SRGAP2: variants seen among roughly 807,000 people sequenced by gnomAD.
SRGAP2 encodes SLIT-ROBO Rho GTPase activating protein 2.
SRGAP2 carries 15 observed loss-of-function variants against 57.2 expected under a neutral mutation model. The ratio of observed to expected loss-of-function variants is 0.26; its 90% CI spans 0.18 to 0.40. The LOEUF (loss-of-function observed/expected upper bound fraction) is 0.40. SRGAP2 is among the 10% of genes least tolerant of loss of function. The pLI is 1.00. For synonymous variants in SRGAP2, 249 were observed against 248.0 expected (o/e 1.00, Z -0.04); for missense variants, 520 against 669.6 (o/e 0.78, Z 2.47).
At position 206,279,716 on chromosome 1, in the gene SRGAP2, G is replaced by A. The variant is rs1225499040; in HGVS notation, c.68-23565G>A. Among the ~76,000 whole-genome samples, 83 of 150,438 alleles carry A rather than the reference G, an allele frequency of 5.5e-4. 1 individual carries two copies. The highest frequency in any genetic ancestry group is 2.0e-3 in the African/African-American group (80 of 40,614). On this transcript the variant is annotated intron_variant, in intron 2 of 22. Coordinates refer to ENST00000573034, the MANE Select transcript of SRGAP2 (RefSeq NM_015326.5). The stretch of plus-strand genomic sequence containing the variant: ...ATTACAGGCATAAGCCACCGTGCTC[G>A]GCCCTGAAATGCTTTTCTCTACTAC...
chr1:206,378,646 CTG>C (rs1655430781), intron 4 of SRGAP2, among the ~76,000 whole-genome samples: 1 of 152,074 alleles, frequency 6.6e-6, no homozygotes, highest in African/African-American at 2.4e-5. Context: ...AATCAGCACT[CTG>C]TAAAAACGCA....
Position 206,307,751 on chromosome 1 carries a change from G to A in SRGAP2, c.260+4278G>A, listed in dbSNP as rs1177113793. 8.5e-5 allele frequency among the ~76,000 whole-genome samples: 13 copies of A among 152,222 alleles called. No individual in the cohort carries two copies. The East Asian group carries it at 1.5e-3, about 18-fold the overall frequency. On this transcript the variant is annotated intron_variant, in intron 3 of 22. Coordinates refer to ENST00000573034, the MANE Select transcript of SRGAP2 (RefSeq NM_015326.5). ...AGGGCTGGCCGGCTGCTCCGAGTGCGGGGCCCACCAAGCCCACGCCCACCC... is the reference window on the plus strand; with the variant it reads ...AGGGCTGGCCGGCTGCTCCGAGTGCAGGGCCCACCAAGCCCACGCCCACCC...
chr1:206,258,131 G>A (rs1238238437), intron 2 of SRGAP2, among the ~76,000 whole-genome samples: 2 of 150,966 alleles, frequency 1.3e-5, no homozygotes, highest in Admixed American at 6.6e-5. Flanking sequence ...TAATTCCAGT[G>A]GAGTAAGAAG....
chr1:206,421,420 A>C, intron 13 of SRGAP2, 146 bp downstream of exon 13: 1 of 487,642 alleles, frequency 2.1e-6, no homozygotes. Flanking sequence ...AGTATGTTTA[A>C]TATGGTGGCA....
At chr1:206,349,680 G>A (rs1675899953) in intron 4 of SRGAP2, among the ~76,000 whole-genome samples, 1 of 123,678 alleles carries the variant, frequency 8.1e-6, no homozygotes, top group Admixed American at 8.7e-5. Flanking sequence ...TCATAAGAAG[G>A]AGATTACAGA....
intron 2 of SRGAP2, among the ~76,000 whole-genome samples, chr1:206,302,398 GTGTT>G (rs1671923565): frequency 2.0e-5 from 3 of 152,036 alleles, no homozygotes; most frequent in Admixed American, 2.0e-4. Flanking sequence ...TCCAGAGAGA[GTGTT>G]TGCTAGCTCC....
At chr1:206,456,783 T>C (rs1052979411) in intron 21 of SRGAP2, among the ~76,000 whole-genome samples, 10 of 152,020 alleles carry the variant, frequency 6.6e-5, no homozygotes, top group African/African-American at 2.2e-4. Context: ...AGTCGGCCTT[T>C]GAGTCTTACC....
chr1:206,358,044 A>T (rs1216882983), intron 4 of SRGAP2, among the ~76,000 whole-genome samples: 1 of 150,314 alleles, frequency 6.7e-6, no homozygotes, highest in Non-Finnish European at 1.5e-5. Flanking sequence ...ATATAAGGTA[A>T]GGAGAGAGGG....
At chr1:206,203,800 C>A (rs782037569) in intron 1 of SRGAP2, 150 bp downstream of exon 1, 2 of 1,532,586 alleles carry the variant, frequency 1.3e-6, no homozygotes, top group African/African-American at 1.4e-5. Flanking sequence ...CTCAGACCGC[C>A]CCCCCTCCAC....
At chr1:206,216,547 A>C (rs1477703436) in intron 2 of SRGAP2, among the ~76,000 whole-genome samples, 1 of 151,076 alleles carries the variant, frequency 6.6e-6, no homozygotes, top group Non-Finnish European at 1.5e-5. Flanking sequence ...CCTGGTTAGA[A>C]GCAGCTGTGA....
chr1:206,233,423 G>A (rs1348375631), intron 2 of SRGAP2, among the ~76,000 whole-genome samples: 5 of 152,174 alleles, frequency 3.3e-5, no homozygotes, highest in African/African-American at 1.2e-4. Context: ...GGGGAGGGGT[G>A]GGAGTGAGCA....
intron 13 of SRGAP2, among the ~76,000 whole-genome samples, chr1:206,423,724 T>C (rs1239000243): frequency 6.6e-6 from 1 of 151,932 alleles, no homozygotes; most frequent in African/African-American, 2.4e-5. Context: ...CTCTTACTCA[T>C]GTGAAATTAT....
At chr1:206,248,338 C>A (rs1668626316) in intron 2 of SRGAP2, among the ~76,000 whole-genome samples, 1 of 152,140 alleles carries the variant, frequency 6.6e-6, no homozygotes, top group Admixed American at 6.6e-5. Context: ...TCCGGCCTCT[C>A]AGGGAAATAA....
chr1:206,283,685 A>G (rs1308215283), intron 2 of SRGAP2, among the ~76,000 whole-genome samples: 2 of 151,796 alleles, frequency 1.3e-5, no homozygotes, highest in Non-Finnish European at 1.5e-5. Context: ...CAAAAAAAAA[A>G]AAAATGAACT....
Position 206,373,022 on chromosome 1 carries a change from T to C in SRGAP2, c.424-10992T>C, listed in dbSNP as rs140546014. Among the ~76,000 whole-genome samples the C allele has an allele frequency of 6.2e-3, 766 of 123,330 alleles. 16 individuals carry two copies. The highest frequency in any genetic ancestry group is 0.012 in the Middle Eastern group (3 of 258). 80.9% of individuals were successfully genotyped at this position (123,330 alleles called of 152,430 possible). A position where few individuals can be genotyped will look rare whatever the true frequency, so the allele number is the denominator to read the frequency against. On this transcript the variant is annotated intron_variant, in intron 4 of 22. Coordinates refer to ENST00000573034, the MANE Select transcript of SRGAP2 (RefSeq NM_015326.5). ...CTTTCTTTCTTTCTTTCTTTCTTTCTTTCTTTTCTTTCTCTCTCTCTCTCT... is the reference window on the plus strand; with the variant it reads ...CTTTCTTTCTTTCTTTCTTTCTTTCCTTCTTTTCTTTCTCTCTCTCTCTCT...
At chr1:206,437,791 G>C (rs561453810) in intron 15 of SRGAP2, 173 bp from the exon 16 acceptor site, 1 of 603,742 alleles carries the variant, frequency 1.7e-6, no homozygotes, top group Middle Eastern at 4.4e-4. Context: ...CTGAAATGGA[G>C]CAGTCTTTGC....
At chr1:206,361,628 AGG>A (rs1676930468) in intron 4 of SRGAP2, among the ~76,000 whole-genome samples, 1 of 148,706 alleles carries the variant, frequency 6.7e-6, no homozygotes, top group African/African-American at 2.5e-5. Context: ...CACTAAATGC[AGG>A]ACGTGTTGAC....
chr1:206,424,947 A>G (rs1250797738), intron 13 of SRGAP2, among the ~76,000 whole-genome samples: 1 of 152,232 alleles, frequency 6.6e-6, no homozygotes. Flanking sequence ...CTTACCTGCC[A>G]CAGGTTATCC....
intron 14 of SRGAP2, among the ~76,000 whole-genome samples, chr1:206,431,928 G>A (rs1215165941): frequency 4.6e-5 from 7 of 152,274 alleles, no homozygotes; most frequent in African/African-American, 7.2e-5. Context: ...CAGGAAGCCA[G>A]CGTAGCTGGA....
Sources: allele counts gnomAD v4.1 joint callset (sites outside exome capture counted in the v4.1 genomes callset), GRCh38; gene constraint gnomAD v4.1.1; transcripts MANE v1.5; gene names NCBI Gene and HGNC (gene_info 2026-07-23, HGNC 2026-07-21).